ZNF385B: variants seen among roughly 807,000 people sequenced by gnomAD.
The protein encoded by ZNF385B is zinc finger protein 533.
A neutral mutation model predicts 39.2 loss-of-function variants in ZNF385B; 23 were observed. The observed-to-expected ratio is 0.59, with a 90% CI of 0.42 to 0.83. ZNF385B has a LOEUF of 0.83. ZNF385B is among the 40% of genes least tolerant of loss of function. The pLI is 0.00. For synonymous variants in ZNF385B, 205 were observed against 222.6 expected (o/e 0.92, Z 0.70); for missense variants, 552 against 598.9 (o/e 0.92, Z 0.82).
At chr2:179,677,394 G>A (rs1378792419) in intron 3 of ZNF385B, among the ~76,000 whole-genome samples, 1 of 152,144 alleles carries the variant, frequency 6.6e-6, no homozygotes, top group Admixed American at 6.5e-5. Flanking sequence ...ACAACAGGAA[G>A]TGAAGTTAAA....
intron 3 of ZNF385B, among the ~76,000 whole-genome samples, chr2:179,669,037 C>T (rs986167891): frequency 2.0e-5 from 3 of 152,152 alleles, no homozygotes; most frequent in Non-Finnish European, 2.9e-5. Flanking sequence ...ATAGAGACAA[C>T]ACAGAACTAT....
intron 1 of ZNF385B, among the ~76,000 whole-genome samples, chr2:179,783,786 AGTCAGAATG>A (rs1227665403): frequency 2.0e-5 from 3 of 152,154 alleles, no homozygotes; most frequent in Non-Finnish European, 2.9e-5. Flanking sequence ...ATCTTACACC[AGTCAGAATG>A]GTAATTATTA....
intron 6 of ZNF385B, among the ~76,000 whole-genome samples, chr2:179,468,250 T>C (rs2105506248): frequency 6.6e-6 from 1 of 152,302 alleles, no homozygotes; most frequent in South Asian, 2.1e-4. Context: ...CTTTTCTGAG[T>C]GAGCATAAAA....
At chr2:179,529,018 TTAAA>T (rs1559413137) in intron 4 of ZNF385B, among the ~76,000 whole-genome samples, 1 of 152,208 alleles carries the variant, frequency 6.6e-6, no homozygotes, top group Admixed American at 6.5e-5. Context: ...TGGGACTTAA[TTAAA>T]TGTTTACTTA....
chr2:179,802,221 A>C (rs1350122264), intron 1 of ZNF385B, among the ~76,000 whole-genome samples: 1 of 152,094 alleles, frequency 6.6e-6, no homozygotes, highest in African/African-American at 2.4e-5. Context: ...TCCAATCTTT[A>C]AAATAGACAG....
At chr2:179,725,433 G>C (rs1266576710) in intron 3 of ZNF385B, among the ~76,000 whole-genome samples, 1 of 151,516 alleles carries the variant, frequency 6.6e-6, no homozygotes, top group Admixed American at 6.6e-5. Flanking sequence ...ATACGTGCAT[G>C]TATATATATT....
intron 3 of ZNF385B, among the ~76,000 whole-genome samples, chr2:179,701,989 A>T (rs1181701058): frequency 6.6e-6 from 1 of 152,224 alleles, no homozygotes; most frequent in Non-Finnish European, 1.5e-5. Flanking sequence ...GAAAGCAGAC[A>T]AATACCCGTT....
At chr2:179,484,483 A>G (rs2054351692) in intron 5 of ZNF385B, among the ~76,000 whole-genome samples, 3 of 152,110 alleles carry the variant, frequency 2.0e-5, no homozygotes, top group Non-Finnish European at 4.4e-5. Context: ...AAGAAATAAT[A>G]ACTTTAAAAA....
intron 1 of ZNF385B, among the ~76,000 whole-genome samples, chr2:179,817,665 C>G (rs1301177525): frequency 5.3e-5 from 8 of 149,646 alleles, no homozygotes; most frequent in African/African-American, 2.0e-4. Flanking sequence ...GTGTAACCCT[C>G]TGTGTGTGTG....
chr2:179,510,418 T>G (rs2057586013), intron 5 of ZNF385B, among the ~76,000 whole-genome samples: 1 of 151,946 alleles, frequency 6.6e-6, no homozygotes, highest in Non-Finnish European at 1.5e-5. Context: ...TGAATATACA[T>G]ATATATATAG....
chr2:179,770,240 T>C (rs1703936290), intron 2 of ZNF385B, among the ~76,000 whole-genome samples: 1 of 152,222 alleles, frequency 6.6e-6, no homozygotes, highest in Admixed American at 6.5e-5. Flanking sequence ...TGCAATTACT[T>C]GGCTTATGTC....
chr2:179,587,421 T>C (rs889538819), intron 3 of ZNF385B, among the ~76,000 whole-genome samples: 1 of 130,458 alleles, frequency 7.7e-6, no homozygotes, highest in African/African-American at 2.6e-5. Context: ...TAGATTACAA[T>C]TTTTTAAGTG....
intron 3 of ZNF385B, among the ~76,000 whole-genome samples, chr2:179,699,505 G>C (rs1383295438): frequency 2.6e-5 from 4 of 152,092 alleles, no homozygotes; most frequent in Admixed American, 1.3e-4. Flanking sequence ...TATATATTTT[G>C]GGTTTTTCAC....
rs778005702 is a variant in ZNF385B at position 179,518,581 on chromosome 2, T to C, written c.499A>G (p.Lys167Glu). ...TTACAAGAAATAACTTGTTTCTTCT[T>C]TGGGGGAATGGATACTCCAAATGTA... ...NHTFGVSIPP[K>E]KKQVISCNVC... Residue 167 changes from lysine to glutamate, a missense_variant, in exon 5 of 10, where the codon AAG becomes GAG. Coordinates refer to ENST00000410066, the MANE Select transcript of ZNF385B (RefSeq NM_152520.6). The C allele has an allele frequency of 6.2e-7, 1 of 1,609,882 alleles. No homozygotes were observed. Among genetic ancestry groups the C allele is most frequent in the East Asian group, 2.2e-5 (1 of 44,588 alleles).
intron 3 of ZNF385B, among the ~76,000 whole-genome samples, chr2:179,762,942 T>A (rs1390614469): frequency 1.3e-5 from 2 of 152,188 alleles, no homozygotes; most frequent in African/African-American, 4.8e-5. Context: ...TCTTGCTCTG[T>A]CTCCCAGGCT....
intron 3 of ZNF385B, among the ~76,000 whole-genome samples, chr2:179,611,207 T>A (rs979392132): frequency 1.3e-5 from 2 of 152,202 alleles, no homozygotes; most frequent in Non-Finnish European, 2.9e-5. Flanking sequence ...TGTGTTGAAG[T>A]ATACTCTTTT....
intron 5 of ZNF385B, among the ~76,000 whole-genome samples, chr2:179,493,450 T>TACACATATGTATAA (rs2055490465): frequency 6.6e-6 from 1 of 150,620 alleles, no homozygotes; most frequent in Non-Finnish European, 1.5e-5. Flanking sequence ...TATGCATGTG[T>TACACATATGTATAA]ACATGTGTGT....
chr2:179,750,104 G>A (rs953590762), intron 3 of ZNF385B, among the ~76,000 whole-genome samples: 1 of 152,132 alleles, frequency 6.6e-6, no homozygotes, highest in African/African-American at 2.4e-5. Context: ...ATATGGAGAT[G>A]TTCTATAATG....
At chr2:179,811,903 C>A (rs1204316772) in intron 1 of ZNF385B, among the ~76,000 whole-genome samples, 1 of 152,090 alleles carries the variant, frequency 6.6e-6, no homozygotes, top group African/African-American at 2.4e-5. Context: ...AACTATGCAT[C>A]TGACAAATGT....
Sources: gnomAD v4.1 joint callset for allele counts (sites outside exome capture counted in the v4.1 genomes callset) on GRCh38, gnomAD v4.1.1 for gene constraint, MANE v1.5 for transcripts, NCBI Gene and HGNC (gene_info 2026-07-23, HGNC 2026-07-21) for gene names.